The following CIDEC variants were observed in gnomAD, a reference collection of about 807,000 sequenced individuals.
The protein encoded by CIDEC is lipid transferase CIDEC.
A neutral mutation model predicts 21.9 loss-of-function variants in CIDEC; 11 were observed. The observed-to-expected ratio is 0.50, with a 90% CI of 0.32 to 0.83. The LOEUF (loss-of-function observed/expected upper bound fraction) is 0.83. Among genes scored for constraint, CIDEC ranks in the 40% least tolerant of loss-of-function variants. The pLI is 0.04. For missense variants in CIDEC, 302 were observed against 302.3 expected (o/e 1.00, Z 0.01); for synonymous variants, 127 against 124.9 (o/e 1.02, Z -0.11).
At chr3:9,877,311 G>A in intron 3 of CIDEC, 92 bp from the exon 4 acceptor site, 2 of 1,254,064 alleles carry the variant, frequency 1.6e-6, no homozygotes, top group East Asian at 2.5e-5. Context: ...CTCCTGACTG[G>A]GCTCATGATC....
At chr3:9,877,273 A>G in intron 3 of CIDEC, 54 bp from the exon 4 acceptor site, 1 of 1,538,212 alleles carries the variant, frequency 6.5e-7, no homozygotes, top group Admixed American at 2.0e-5. Context: ...ACCCTTGCCC[A>G]CCACACAGGG....
At chr3:9,876,506 C>T (rs932030032) in intron 4 of CIDEC, among the ~76,000 whole-genome samples, 2 of 151,896 alleles carry the variant, frequency 1.3e-5, no homozygotes, top group African/African-American at 2.4e-5. Flanking sequence ...CCTGTAATCC[C>T]AACACTTTGG....
intron 4 of CIDEC, among the ~76,000 whole-genome samples, chr3:9,871,437 T>C (rs1447605923): frequency 2.7e-5 from 4 of 148,620 alleles, no homozygotes; most frequent in Non-Finnish European, 5.9e-5. Context: ...TCCTCCCTGC[T>C]CAGCCTCCCA....
At chr3:9,868,394 A>G (rs541887032) in intron 6 of CIDEC, among the ~76,000 whole-genome samples, 7 of 152,372 alleles carry the variant, frequency 4.6e-5, no homozygotes, top group African/African-American at 1.4e-4. Flanking sequence ...TGGCATGAGC[A>G]TGTACTGAGA....
intron 3 of CIDEC, chr3:9,878,048 C>A: frequency 4.6e-6 from 1 of 218,426 alleles, no homozygotes; most frequent in Non-Finnish European, 9.4e-6. Context: ...CAGGCAGTCC[C>A]AATTTAGAAT....
At chr3:9,868,826 T>G (rs1416306120) in intron 6 of CIDEC, among the ~76,000 whole-genome samples, 1 of 152,234 alleles carries the variant, frequency 6.6e-6, no homozygotes, top group African/African-American at 2.4e-5. Flanking sequence ...TCTCTTTTTC[T>G]TCGTTTTAGA....
rs1575452983 is a variant in CIDEC at position 9,874,201 on chromosome 3, C to G, written c.207+2865G>C. Reference sequence around the variant, plus strand: ...GCTATTAAAATAGAAATACCTGTGTCCCTTTTGAAACAAATAAATAAATAA... The same window carrying G: ...GCTATTAAAATAGAAATACCTGTGTGCCTTTTGAAACAAATAAATAAATAA... On this transcript the variant is annotated intron_variant, in intron 4 of 6. Coordinates refer to ENST00000336832, the MANE Select transcript of CIDEC (RefSeq NM_001321142.2). Among the ~76,000 whole-genome samples the G allele has an allele frequency of 2.0e-5, 3 of 150,932 alleles. No individual in the cohort carries two copies. In the South Asian group the frequency reaches 6.3e-4, roughly 32 times the overall value.
Position 9,870,342 on chromosome 3 carries a change from A to T in CIDEC, c.208-20T>A. On this transcript the variant is annotated intron_variant, in intron 4 of 6. Transcript: ENST00000336832. ...CCGGACCTGGGGAATAAGGTCAGTG[A>T]TGCTTCTGCCATCCCAGAACAAGTG... 1 of 1,610,818 alleles carries T rather than the reference A, an allele frequency of 6.2e-7. No individual in the cohort carries two copies. The highest frequency in any genetic ancestry group is 1.1e-5 in the South Asian group (1 of 91,074).
intron 3 of CIDEC, 126 bp downstream of exon 3, chr3:9,878,308 C>A: frequency 1.3e-6 from 1 of 788,766 alleles, no homozygotes; most frequent in Non-Finnish European, 2.3e-6. Context: ...CCACTCCAGA[C>A]CTCCTGAATC....
At chr3:9,869,829 G>A in intron 6 of CIDEC, 53 bp downstream of exon 6, 1 of 1,522,574 alleles carries the variant, frequency 6.6e-7, no homozygotes, top group Non-Finnish European at 9.1e-7. Flanking sequence ...ACAGATAGGG[G>A]CTCTCCCATT....
chr3:9,874,489 C>T (rs1038816316), intron 4 of CIDEC, among the ~76,000 whole-genome samples: 10 of 150,720 alleles, frequency 6.6e-5, no homozygotes, highest in African/African-American at 9.7e-5. Context: ...GCATTCTAGC[C>T]GGGGCAATGG....
chr3:9,866,965 C>T lies in CIDEC; in HGVS notation c.*169G>A. ...CAGGAGCTTGAGGTTCTCCTTTGGC[C>T]AACCCACCCCAGGTTTCCAGCTCCT... On this transcript the variant is annotated 3_prime_UTR_variant, in exon 7 of 7. Transcript: ENST00000336832. 1 of 786,072 alleles carries T rather than the reference C, an allele frequency of 1.3e-6. No individual in the cohort carries two copies. The allele number at this position is 786,072 out of a possible 1,614,324, so 48.7% of individuals were successfully genotyped here. A position where few individuals can be genotyped will look rare whatever the true frequency, so the allele number is the denominator to read the frequency against.
intron 6 of CIDEC, among the ~76,000 whole-genome samples, chr3:9,868,732 A>C (rs909457081): frequency 6.6e-5 from 10 of 152,178 alleles, no homozygotes; most frequent in African/African-American, 2.2e-4. Flanking sequence ...CTTGCAAATT[A>C]ATTCTGTCAT....
At chr3:9,868,378 C>T (rs542608647) in intron 6 of CIDEC, among the ~76,000 whole-genome samples, 131 of 152,338 alleles carry the variant, frequency 8.6e-4, no homozygotes, top group South Asian at 2.3e-3. Flanking sequence ...TGAAGACATC[C>T]ATGCCTGGCA....
chr3:9,866,852 G>C lies in CIDEC; in HGVS notation c.*282C>G. On this transcript the variant is annotated 3_prime_UTR_variant, in exon 7 of 7. Transcript: ENST00000336832. ...CAGCCTGCGAGGCCAGATTGCTAAGGGGCAGACTTCATGCCAATGGAGGGA... is the reference window on the plus strand; with the variant it reads ...CAGCCTGCGAGGCCAGATTGCTAAGCGGCAGACTTCATGCCAATGGAGGGA... 1 of 601,398 alleles carries C rather than the reference G, an allele frequency of 1.7e-6. No individual in the cohort carries two copies. 37.3% of individuals were successfully genotyped at this position (601,398 alleles called of 1,614,324 possible).
At chr3:9,879,482 A>G (rs767773939) in intron 1 of CIDEC, among the ~76,000 whole-genome samples, 1 of 152,066 alleles carries the variant, frequency 6.6e-6, no homozygotes, top group Non-Finnish European at 1.5e-5. Context: ...CAGGAGCTGT[A>G]TTTTTTACTT....
chr3:9,871,695 T>A (rs1027424182), intron 4 of CIDEC, among the ~76,000 whole-genome samples: 1 of 152,090 alleles, frequency 6.6e-6, no homozygotes, highest in South Asian at 2.1e-4. Context: ...AGTGGCATGA[T>A]CTCGACTCAC....
intron 2 of CIDEC, 124 bp downstream of exon 2, chr3:9,878,818 G>A: frequency 6.5e-7 from 1 of 1,536,070 alleles, no homozygotes; most frequent in Non-Finnish European, 8.7e-7. Context: ...ACACTGAGCA[G>A]ATAACCCAAC....
Position 9,870,227 on chromosome 3 carries a change from C to T in CIDEC, c.303G>A (p.Leu101=). 6.2e-7 allele frequency: 1 copy of T among 1,614,172 alleles called. No individual in the cohort carries two copies. The highest frequency in any genetic ancestry group is 1.1e-5 in the South Asian group (1 of 91,090). ...TVETEEYFQA[L]AGDTVFMVLQ... ...GGACCATGAACACTGTATCCCCTGC[C>T]AGGGCTTGGAAGTACTCTTCTGTCT... Residue 101 remains leucine, a synonymous_variant, in exon 5 of 7, where the codon CTG becomes CTA. Transcript: ENST00000336832.
Sources: gnomAD v4.1 joint callset for allele counts (sites outside exome capture counted in the v4.1 genomes callset) on GRCh38, gnomAD v4.1.1 for gene constraint, MANE v1.5 for transcripts, NCBI Gene and HGNC (gene_info 2026-07-23, HGNC 2026-07-21) for gene names.